The following XKR6 variants were observed in gnomAD, a reference collection of about 807,000 sequenced individuals.
The protein encoded by XKR6 is XK-related protein 6.
XKR6 carries 22 observed loss-of-function variants against 56.7 expected under a neutral mutation model. That is an observed-to-expected ratio of 0.39 (90% CI 0.28 to 0.55). The LOEUF is 0.55. Ranked by LOEUF, XKR6 falls within the 20% of genes least tolerant of loss-of-function variation. The pLI is 0.66. For synonymous variants in XKR6, 524 were observed against 387.8 expected (o/e 1.35, Z -4.13); for missense variants, 852 against 889.0 (o/e 0.96, Z 0.53).
intron 1 of XKR6, among the ~76,000 whole-genome samples, chr8:11,070,872 C>CCCT (rs1800097215): frequency 6.6e-6 from 1 of 152,162 alleles, no homozygotes. Flanking sequence ...TGCCCGCTGC[C>CCCT]CCTCATTCCT....
chr8:10,927,592 G>C (rs1440318098), intron 1 of XKR6, among the ~76,000 whole-genome samples: 2 of 152,122 alleles, frequency 1.3e-5, no homozygotes, highest in Non-Finnish European at 2.9e-5. Flanking sequence ...ACCCAGGTTT[G>C]CCCTACCAGG....
intron 1 of XKR6, among the ~76,000 whole-genome samples, chr8:11,179,516 C>T (rs1802855416): frequency 6.6e-6 from 1 of 152,108 alleles, no homozygotes; most frequent in Admixed American, 6.5e-5. Flanking sequence ...TGTGTGTGTC[C>T]ACAAGTACGT....
intron 1 of XKR6, among the ~76,000 whole-genome samples, chr8:10,940,428 G>A (rs993748350): frequency 1.3e-5 from 2 of 152,188 alleles, no homozygotes; most frequent in African/African-American, 4.8e-5. Context: ...CAAACCAGGA[G>A]GGCTGCAGCC....
intron 1 of XKR6, among the ~76,000 whole-genome samples, chr8:11,081,676 A>C (rs1256463833): frequency 6.6e-6 from 1 of 152,192 alleles, no homozygotes; most frequent in Non-Finnish European, 1.5e-5. Flanking sequence ...CTGATCATCA[A>C]GTTGAAAGGG....
chr8:11,104,105 T>C (rs896112639), intron 1 of XKR6, among the ~76,000 whole-genome samples: 1 of 152,118 alleles, frequency 6.6e-6, no homozygotes, highest in Non-Finnish European at 1.5e-5. Flanking sequence ...TAGCCCAGGG[T>C]TTAATAATTC....
rs147273531 is a variant in XKR6, at chr8:11,145,333, G to A, written c.764+55243C>T. Among the ~76,000 whole-genome samples, 11 of 152,050 alleles carry A rather than the reference G, an allele frequency of 7.2e-5. No individual in the cohort carries two copies. In the South Asian group the frequency reaches 1.5e-3, roughly 20 times the overall value. On this transcript the variant is annotated intron_variant, in intron 1 of 2. Transcript: ENST00000416569. The stretch of plus-strand genomic sequence containing the variant: ...GGAGGACTCAGTCTGCACCAGAAAC[G>A]TCTCTAAGTCTCCCACAACTAAAGA...
chr8:11,114,362 T>C (rs1235837373), intron 1 of XKR6, among the ~76,000 whole-genome samples: 1 of 152,138 alleles, frequency 6.6e-6, no homozygotes, highest in African/African-American at 2.4e-5. Context: ...AACACTGATT[T>C]ATTTACTTAT....
At chr8:10,994,708 T>C (rs183260547) in intron 1 of XKR6, among the ~76,000 whole-genome samples, 5 of 152,210 alleles carry the variant, frequency 3.3e-5, no homozygotes, top group Non-Finnish European at 5.9e-5. Context: ...AGAACAGCTA[T>C]GGAAGAAAAA....
intron 1 of XKR6, among the ~76,000 whole-genome samples, chr8:11,161,208 A>G (rs894643281): frequency 3.3e-5 from 5 of 152,318 alleles, no homozygotes; most frequent in Admixed American, 3.3e-4. Flanking sequence ...GAACCAACAC[A>G]AACGCTTCCG....
chr8:10,955,858 G>T (rs1477938077), intron 1 of XKR6, among the ~76,000 whole-genome samples: 1 of 152,188 alleles, frequency 6.6e-6, no homozygotes, highest in African/African-American at 2.4e-5. Context: ...TGCAGCCCTG[G>T]GTATTTATTT....
At chr8:10,992,055 G>A (rs1004162203) in intron 1 of XKR6, among the ~76,000 whole-genome samples, 7 of 152,160 alleles carry the variant, frequency 4.6e-5, no homozygotes, top group Non-Finnish European at 7.3e-5. Flanking sequence ...AGACCTGGCC[G>A]TGAGTCCTGC....
At chr8:11,124,423 T>G (rs1799652873) in intron 1 of XKR6, 1 of 162,212 alleles carries the variant, frequency 6.2e-6, no homozygotes, top group South Asian at 1.7e-4. Flanking sequence ...AACAAGCACG[T>G]ACATTTTTTG....
At chr8:10,957,410 C>T (rs1007552513) in intron 1 of XKR6, among the ~76,000 whole-genome samples, 6 of 152,208 alleles carry the variant, frequency 3.9e-5, no homozygotes, top group Non-Finnish European at 8.8e-5. Context: ...TTCCTTCAGG[C>T]CCTTCTACTC....
intron 2 of XKR6, among the ~76,000 whole-genome samples, chr8:10,901,167 T>C (rs1487995150): frequency 2.6e-5 from 4 of 151,680 alleles, no homozygotes; most frequent in Non-Finnish European, 5.9e-5. Context: ...GTGATTCTCC[T>C]GCCTCAGCCT....
In XKR6 at chr8:11,143,335, C is replaced by G. The variant is rs77848037; in HGVS notation, c.764+57241G>C. Reference sequence around the variant, plus strand: ...CCTGGGTGACATGGCAAGACCAAGTCCCTTCTTTAAAACACACAAAAAAGA... The same window carrying G: ...CCTGGGTGACATGGCAAGACCAAGTGCCTTCTTTAAAACACACAAAAAAGA... On this transcript the variant is annotated intron_variant, in intron 1 of 2. Transcript: ENST00000416569. Among the ~76,000 whole-genome samples, 406 of 152,268 alleles carry G rather than the reference C, an allele frequency of 2.7e-3. 1 individual carries two copies. The highest frequency in any genetic ancestry group is 5.6e-3 in the Admixed American group (85 of 15,288).
chr8:10,972,446 C>G (rs1333449967), intron 1 of XKR6, among the ~76,000 whole-genome samples: 1 of 152,190 alleles, frequency 6.6e-6, no homozygotes, highest in East Asian at 1.9e-4. Flanking sequence ...GTCAGCAAGC[C>G]AGGAACGAAC....
intron 1 of XKR6, among the ~76,000 whole-genome samples, chr8:11,067,302 C>T (rs183077782): frequency 6.6e-5 from 10 of 152,284 alleles, no homozygotes; most frequent in African/African-American, 2.2e-4. Context: ...CTTGCATCCT[C>T]TGTGGATTCC....
At chr8:11,196,737 G>A (rs1026412679) in intron 1 of XKR6, among the ~76,000 whole-genome samples, 10 of 152,226 alleles carry the variant, frequency 6.6e-5, no homozygotes, top group African/African-American at 2.4e-4. Flanking sequence ...GACTTCTTGT[G>A]TCCTCCCCAG....
At chr8:10,990,999 G>T (rs1011698351) in intron 1 of XKR6, among the ~76,000 whole-genome samples, 1 of 147,710 alleles carries the variant, frequency 6.8e-6, no homozygotes, top group Non-Finnish European at 1.5e-5. Flanking sequence ...ACCTCCCGGA[G>T]TTCAAGCGAT....
Sources: allele counts gnomAD v4.1 joint callset (sites outside exome capture counted in the v4.1 genomes callset), GRCh38; gene constraint gnomAD v4.1.1; transcripts MANE v1.5; gene names NCBI Gene and HGNC (gene_info 2026-07-23, HGNC 2026-07-21).